Variants in MOXD1 observed in about 807,000 individuals in gnomAD.
MOXD1 encodes the protein DBH-like monooxygenase protein 1.
In MOXD1, 62 loss-of-function variants were observed where a neutral mutation model predicts 66.6. That is an observed-to-expected ratio of 0.93 (90% confidence interval 0.76 to 1.15). The LOEUF is 1.15. Among genes scored for constraint, MOXD1 ranks in the 50% most tolerant of loss-of-function variants. The pLI, the probability that MOXD1 is intolerant of heterozygous loss-of-function variation, is 0.00. For synonymous variants in MOXD1, 303 were observed against 281.9 expected, an observed-to-expected ratio of 1.07 and a Z score of -0.75; for missense variants, 847 against 754.6, an observed-to-expected ratio of 1.12 and a Z score of -1.44.
intron 10 of MOXD1, among the ~76,000 whole-genome samples, chr6:132,313,037 T>C (rs1582563988): frequency 7.2e-6 from 1 of 139,620 alleles, no homozygotes; most frequent in Admixed American, 7.1e-5. Context: ...TAAAATGATA[T>C]TTTATGTGAT....
chr6:132,382,150 A>T (rs192965992), intron 1 of MOXD1, among the ~76,000 whole-genome samples: 2 of 152,266 alleles, frequency 1.3e-5, no homozygotes, highest in Non-Finnish European at 2.9e-5. Context: ...TCATATACAC[A>T]TATCATAAAT....
At position 132,374,762 on chromosome 6, in the gene MOXD1, C is replaced by T. The variant is rs755347540; in HGVS notation, c.280G>A (p.Ala94Thr). Residue 94 changes from alanine (A) to threonine (T), a missense_variant, in exon 2 of 12, where the codon GCA becomes ACA. By Grantham distance (58) the Ala-to-Thr change is moderately conservative. Transcript: ENST00000367963. ...GCATCTTTTTTCAACTCTCTATTTG[C>T]ATTTGTAAAATAATCCTGTGGAAAA... ...RPYLQDYFTN[A>T]NRELKKDAQQ... The T allele has an allele frequency of 6.2e-7, 1 of 1,613,576 alleles. No homozygotes were observed. Among genetic ancestry groups the T allele is most frequent in the Non-Finnish European group, 8.5e-7 (1 of 1,179,646 alleles).
chr6:132,348,627 T>C (rs1010245942), intron 4 of MOXD1, among the ~76,000 whole-genome samples: 6 of 152,166 alleles, frequency 3.9e-5, no homozygotes, highest in African/African-American at 1.2e-4. Flanking sequence ...GAAGAAAACA[T>C]ATAAAAAACA....
chr6:132,378,914 T>TTTTTG, intron 1 of MOXD1, among the ~76,000 whole-genome samples: 1 of 115,982 alleles, frequency 8.6e-6, no homozygotes, highest in South Asian at 2.8e-4. Flanking sequence ...TTTTTTTTTT[T>TTTTTG]GCGACAGAGT....
At position 132,372,668 on chromosome 6, in the gene MOXD1, T is replaced by C. The variant is rs1776288753; in HGVS notation, c.603A>G (p.Thr201=). The C allele has an allele frequency of 1.2e-6, 2 of 1,613,964 alleles. No individual in the cohort carries two copies. Among genetic ancestry groups the C allele is most frequent in the East Asian group, 4.5e-5 (2 of 44,860 alleles). Reference sequence around the variant, plus strand: ...TCTTAAACATTTGGCACCAATATGTTGTATCTTTGTTTGGGATGGGGACCT... The same window carrying C: ...TCTTAAACATTTGGCACCAATATGTCGTATCTTTGTTTGGGATGGGGACCT... ...NQDVPIPNKD[T]TYWCQMFKIP... Residue 201 remains threonine, a synonymous_variant, in exon 4 of 12, where the codon ACA becomes ACG. Coordinates refer to ENST00000367963, the MANE Select transcript of MOXD1 (RefSeq NM_015529.4).
chr6:132,344,862 G>A (rs1305285940), intron 4 of MOXD1, among the ~76,000 whole-genome samples: 1 of 152,158 alleles, frequency 6.6e-6, no homozygotes, highest in East Asian at 1.9e-4. Flanking sequence ...TCTGCTGAAA[G>A]CTGTTTCATC....
intron 10 of MOXD1, among the ~76,000 whole-genome samples, chr6:132,312,653 A>G (rs1316667481): frequency 1.3e-5 from 2 of 149,658 alleles, no homozygotes; most frequent in Admixed American, 6.7e-5. Flanking sequence ...TCTCAAAACT[A>G]GCCTTGTTCT....
intron 9 of MOXD1, among the ~76,000 whole-genome samples, chr6:132,316,792 T>C (rs1774968808): frequency 6.6e-6 from 1 of 152,168 alleles, no homozygotes; most frequent in African/African-American, 2.4e-5. Flanking sequence ...GTCTAACATA[T>C]ATGTTTTCAT....
At chr6:132,364,405 G>A (rs1413237791) in intron 4 of MOXD1, among the ~76,000 whole-genome samples, 2 of 152,126 alleles carry the variant, frequency 1.3e-5, no homozygotes, top group East Asian at 3.9e-4. Flanking sequence ...AAGAAAACAA[G>A]CAATGACGAG....
At chr6:132,316,613 C>T (rs979441445) in intron 9 of MOXD1, among the ~76,000 whole-genome samples, 8 of 152,012 alleles carry the variant, frequency 5.3e-5, no homozygotes, top group African/African-American at 1.9e-4. Context: ...ATAAAAACTT[C>T]ACAGGATAAG....
At chr6:132,298,742 C>A (rs1453305706) in intron 10 of MOXD1, among the ~76,000 whole-genome samples, 1 of 151,376 alleles carries the variant, frequency 6.6e-6, no homozygotes, top group African/African-American at 2.4e-5. Flanking sequence ...GTCAGAAGGG[C>A]TATTATTAAA....
In MOXD1 at chr6:132,376,056, T is replaced by G. The variant is rs1776372720; in HGVS notation, c.265-1279A>C. Among the ~76,000 whole-genome samples the G allele has an allele frequency of 3.3e-5, 5 of 152,216 alleles. No individual in the cohort carries two copies. The South Asian group carries it at 1.0e-3, about 32-fold the overall frequency. On this transcript the variant is annotated intron_variant, in intron 1 of 11. Coordinates refer to ENST00000367963, the MANE Select transcript of MOXD1 (RefSeq NM_015529.4). ...TGCCTTTTACCATTCGCCTACTCTGTTGAGTCATCCAAATCAAAGTATTAA... is the reference window on the plus strand; with the variant it reads ...TGCCTTTTACCATTCGCCTACTCTGGTGAGTCATCCAAATCAAAGTATTAA...
At chr6:132,373,336 T>A (rs1776306367) in intron 2 of MOXD1, among the ~76,000 whole-genome samples, 2 of 152,202 alleles carry the variant, frequency 1.3e-5, no homozygotes, top group South Asian at 4.1e-4. Flanking sequence ...TTGCAACTGG[T>A]AGCTTCTAAA....
chr6:132,361,935 T>TG (rs1296415610), intron 4 of MOXD1, among the ~76,000 whole-genome samples: 1 of 152,104 alleles, frequency 6.6e-6, no homozygotes, highest in Admixed American at 6.5e-5. Context: ...AGTAAAGGTG[T>TG]GAAAAAGTAT....
At chr6:132,315,914 G>A in intron 9 of MOXD1, 137 bp from the exon 10 acceptor site, 1 of 875,470 alleles carries the variant, frequency 1.1e-6, no homozygotes, top group Non-Finnish European at 1.7e-6. Context: ...TTAAAAAACT[G>A]GCTTTTTAGA....
At chr6:132,351,003 A>G (rs573865109) in intron 4 of MOXD1, among the ~76,000 whole-genome samples, 2 of 152,224 alleles carry the variant, frequency 1.3e-5, no homozygotes, top group African/African-American at 4.8e-5. Flanking sequence ...TGTATCCAGA[A>G]ACTTTGCCAA....
chr6:132,400,960 T>A (rs997141690), intron 1 of MOXD1, among the ~76,000 whole-genome samples: 2 of 152,196 alleles, frequency 1.3e-5, no homozygotes, highest in African/African-American at 4.8e-5. Flanking sequence ...TCATCCGTGC[T>A]CGGCTTCCCT....
intron 6 of MOXD1, among the ~76,000 whole-genome samples, chr6:132,324,453 CTT>C (rs1357616165): frequency 3.9e-5 from 6 of 152,076 alleles, no homozygotes; most frequent in Non-Finnish European, 7.4e-5. Flanking sequence ...GAATAAATAA[CTT>C]AATAAAACTT....
At chr6:132,298,889 A>ACTAC (rs1385187939) in intron 10 of MOXD1, among the ~76,000 whole-genome samples, 1 of 152,164 alleles carries the variant, frequency 6.6e-6, no homozygotes, top group African/African-American at 2.4e-5. Flanking sequence ...TTAAAACAGA[A>ACTAC]CTACCATTCA....
Sources: allele counts gnomAD v4.1 joint callset (sites outside exome capture counted in the v4.1 genomes callset), GRCh38; gene constraint gnomAD v4.1.1; transcripts MANE v1.5; gene names NCBI Gene and HGNC (gene_info 2026-07-23, HGNC 2026-07-21).